STK3: variants seen among roughly 807,000 people sequenced by gnomAD.
STK3 encodes serine/threonine-protein kinase 3.
In STK3, 41 loss-of-function variants were observed where a neutral mutation model predicts 58.0. The ratio of observed to expected loss-of-function variants is 0.71; its 90% CI spans 0.55 to 0.92. The LOEUF (loss-of-function observed/expected upper bound fraction) is 0.92, where lower values mean the gene tolerates loss of function less well. Among genes scored for constraint, STK3 ranks in the 40% least tolerant of loss-of-function variants. STK3 has a pLI of 0.00. For synonymous variants in STK3, 170 were observed against 191.0 expected (o/e 0.89, Z 0.91); for missense variants, 479 against 602.7 (o/e 0.79, Z 2.15).
chr8:98,448,776 A>G (rs1819064859), intron 1 of STK3, among the ~76,000 whole-genome samples: 1 of 152,192 alleles, frequency 6.6e-6, no homozygotes, highest in Non-Finnish European at 1.5e-5. Flanking sequence ...TTGAGGAAAC[A>G]TGGGGTATGA....
intron 10 of STK3, among the ~76,000 whole-genome samples, chr8:98,471,818 G>A (rs1278785078): frequency 1.3e-5 from 2 of 152,136 alleles, no homozygotes; most frequent in Non-Finnish European, 2.9e-5. Context: ...AACCAAAAAA[G>A]TAAATTATGG....
intron 3 of STK3, chr8:98,429,011 C>T (rs747707985): frequency 6.2e-6 from 10 of 1,614,092 alleles, no homozygotes; most frequent in East Asian, 2.2e-5. Flanking sequence ...CCATCTTCTC[C>T]GTGGTGGCCT....
intron 3 of STK3, among the ~76,000 whole-genome samples, chr8:98,758,671 C>T (rs1448915319): frequency 2.6e-5 from 4 of 152,218 alleles, no homozygotes; most frequent in Non-Finnish European, 5.9e-5. Flanking sequence ...AGTGACTTCT[C>T]TCTAGCTAGG....
intron 6 of STK3, among the ~76,000 whole-genome samples, chr8:98,609,225 C>G (rs1220455913): frequency 2.0e-5 from 3 of 152,100 alleles, no homozygotes; most frequent in Non-Finnish European, 4.4e-5. Flanking sequence ...AAGAGTGAAA[C>G]TTTACTAAGA....
chr8:98,812,445 A>G lies in STK3; in HGVS notation c.26+13070T>C, dbSNP rs527842097. ...AAACTTTTACACTGTTGGTGGGACT[A>G]TAAACTAGTTCAACCATTGTGGAAG... is the stretch of plus-strand genomic sequence containing the variant. On this transcript the variant is annotated intron_variant, in intron 1 of 10. Coordinates refer to ENST00000419617, the MANE Select transcript of STK3 (RefSeq NM_006281.4). Among the ~76,000 whole-genome samples, 7 of 152,342 alleles carry G rather than the reference A, an allele frequency of 4.6e-5. No individual in the cohort carries two copies. In the South Asian group the frequency reaches 1.0e-3, roughly 23 times the overall value.
chr8:98,488,388 T>C (rs2131309215), intron 10 of STK3, among the ~76,000 whole-genome samples: 1 of 152,324 alleles, frequency 6.6e-6, no homozygotes, highest in African/African-American at 2.4e-5. Context: ...TACGGTGCCT[T>C]AAATGCATTA....
downstream of STK3, among the ~76,000 whole-genome samples, chr8:98,398,115 T>C (rs1379788928): frequency 6.6e-6 from 1 of 152,218 alleles, no homozygotes; most frequent in Non-Finnish European, 1.5e-5. Flanking sequence ...GAAAACCTGC[T>C]GCCACCCCTC....
At chr8:98,768,194 C>A (rs1045487223) in intron 2 of STK3, among the ~76,000 whole-genome samples, 1 of 152,038 alleles carries the variant, frequency 6.6e-6, no homozygotes, top group African/African-American at 2.4e-5. Flanking sequence ...GAAATTCAAC[C>A]CTCACAATCA....
intron 8 of STK3, among the ~76,000 whole-genome samples, chr8:98,557,615 G>C (rs1255588158): frequency 2.6e-5 from 4 of 151,994 alleles, no homozygotes; most frequent in African/African-American, 9.7e-5. Context: ...CTGACGGGCT[G>C]AAAAAAGTAA....
At chr8:98,653,505 A>T (rs1821162814) in intron 6 of STK3, among the ~76,000 whole-genome samples, 1 of 152,220 alleles carries the variant, frequency 6.6e-6, no homozygotes, top group Admixed American at 6.5e-5. Flanking sequence ...AAGGAAATAG[A>T]GACACAAAAA....
intron 1 of STK3, chr8:98,883,946 G>T: frequency 2.0e-6 from 1 of 506,426 alleles, no homozygotes. Flanking sequence ...ACAGGGAGGG[G>T]AGAGCAAAGG....
chr8:98,546,191 A>G (rs1810684830), intron 9 of STK3, among the ~76,000 whole-genome samples: 1 of 152,194 alleles, frequency 6.6e-6, no homozygotes, highest in African/African-American at 2.4e-5. Context: ...AGTCATACCT[A>G]TACAATCAGT....
chr8:98,886,314 T>C (rs1052400029), intron 1 of STK3, among the ~76,000 whole-genome samples: 11 of 152,340 alleles, frequency 7.2e-5, no homozygotes, highest in African/African-American at 2.6e-4. Flanking sequence ...TGGTGGAATC[T>C]GGGTGAAGTA....
At chr8:98,405,905 A>G (rs1157254024) in intron 3 of STK3, among the ~76,000 whole-genome samples, 2 of 152,178 alleles carry the variant, frequency 1.3e-5, no homozygotes, top group Non-Finnish European at 2.9e-5. Context: ...ACTTGCCCCC[A>G]TGATTCAATT....
intron 3 of STK3, chr8:98,413,161 G>A: frequency 1.4e-5 from 4 of 292,404 alleles, no homozygotes; most frequent in South Asian, 1.3e-4. Context: ...TTATAGGCAT[G>A]TGCCACCACG....
At chr8:98,725,284 G>A (rs892843243) in intron 4 of STK3, among the ~76,000 whole-genome samples, 9 of 152,046 alleles carry the variant, frequency 5.9e-5, no homozygotes, top group African/African-American at 1.7e-4. Flanking sequence ...ATACATATGT[G>A]GTGAAAGAAT....
At chr8:98,753,494 G>A (rs1167955373) in intron 3 of STK3, among the ~76,000 whole-genome samples, 1 of 152,154 alleles carries the variant, frequency 6.6e-6, no homozygotes, top group East Asian at 1.9e-4. Context: ...GAAGGAGGGA[G>A]AGGATCAGGA....
intron 6 of STK3, among the ~76,000 whole-genome samples, chr8:98,660,652 C>T (rs1821898050): frequency 6.6e-6 from 1 of 152,000 alleles, no homozygotes; most frequent in African/African-American, 2.4e-5. Flanking sequence ...TTAAAACTGT[C>T]CCTTAGCCAT....
intron 1 of STK3, among the ~76,000 whole-genome samples, chr8:98,783,766 C>A (rs894628802): frequency 6.6e-6 from 1 of 152,216 alleles, no homozygotes; most frequent in Admixed American, 6.5e-5. Flanking sequence ...ATGGAATATT[C>A]TAAATCCTTT....
Sources: allele counts gnomAD v4.1 joint callset (sites outside exome capture counted in the v4.1 genomes callset), GRCh38; gene constraint gnomAD v4.1.1; transcripts MANE v1.5; gene names NCBI Gene and HGNC (gene_info 2026-07-23, HGNC 2026-07-21).